ZPBP2: variants seen among roughly 807,000 people sequenced by gnomAD.
ZPBP2 encodes zona pellucida-binding protein 2.
In ZPBP2, 34 loss-of-function variants were observed where a neutral mutation model predicts 37.5. That is an observed-to-expected ratio of 0.91 (90% CI 0.69 to 1.21). The LOEUF is 1.21. Among genes scored for constraint, ZPBP2 ranks in the 50% most tolerant of loss-of-function variants. The probability of loss-of-function intolerance (pLI) is 0.00; values close to 1 mark genes in which losing one functional copy is unlikely to be tolerated. For missense variants in ZPBP2, 397 were observed against 413.5 expected (o/e 0.96, Z 0.35); for synonymous variants, 143 against 138.4 (o/e 1.03, Z -0.23).
intron 2 of ZPBP2, among the ~76,000 whole-genome samples, chr17:39,869,668 G>T (rs2063353047): frequency 6.8e-6 from 1 of 147,126 alleles, no homozygotes; most frequent in East Asian, 2.0e-4. Context: ...GCCTCCCAAA[G>T]TGCTGGGATT....
In ZPBP2 at chr17:39,872,441, A is replaced by G. The variant is rs2063369682; in HGVS notation, c.578A>G (p.Glu193Gly). The G allele has an allele frequency of 1.9e-6, 3 of 1,613,018 alleles. No homozygotes were observed. Among genetic ancestry groups the G allele is most frequent in the Admixed American group, 1.7e-5 (1 of 59,944 alleles). Residue 193 changes from glutamate (E) to glycine (G), a missense_variant, in exon 5 of 8, where the codon GAA becomes GGA. Physicochemically the swap from Glu to Gly is moderately conservative, Grantham distance 98 (BLOSUM62 -2). Transcript: ENST00000348931. ...CCATCATATAAATGCCATTCTGTTG[A>G]AATTCCAGAACATGGCCTCATACAT... ...IEPSYKCHSV[E>G]IPEHGLIHEL... is the part of the protein sequence containing the mutation.
At chr17:39,869,674 G>C (rs1164673553) in intron 2 of ZPBP2, among the ~76,000 whole-genome samples, 1 of 148,366 alleles carries the variant, frequency 6.7e-6, no homozygotes, top group Non-Finnish European at 1.5e-5. Context: ...CAAAGTGCTG[G>C]GATTACAGGC....
rs751410001 is a variant in ZPBP2 at position 39,870,677 on chromosome 17, AT to A, written c.119-13del. ...TTGCTATATAATGTAGTTATACATT[AT>A]TTTATTTCATCACAGACAAAATATA... On this transcript the variant is annotated splice_polypyrimidine_tract_variant and intron_variant, in intron 2 of 7. Transcript: ENST00000348931. 7.4e-7 allele frequency: 1 copy of A among 1,356,760 alleles called. No individual in the cohort carries two copies. The highest frequency in any genetic ancestry group is 9.9e-7 in the Non-Finnish European group (1 of 1,007,458). 84.0% of individuals were successfully genotyped at this position (1,356,760 alleles called of 1,614,324 possible). A position where few individuals can be genotyped will look rare whatever the true frequency, so the allele number is the denominator to read the frequency against.
intron 6 of ZPBP2, 159 bp downstream of exon 6, chr17:39,873,285 G>C (rs1431049188): frequency 5.4e-6 from 1 of 186,592 alleles, no homozygotes; most frequent in Non-Finnish European, 1.0e-5. Flanking sequence ...GGAAGTATTT[G>C]AAAATCAATA....
rs200282806 is a variant in ZPBP2 at position 39,870,861 on chromosome 17, A to G, written c.244+42A>G. 5.9e-5 allele frequency: 83 copies of G among 1,404,632 alleles called. No homozygotes were observed. In the Middle Eastern group the frequency reaches 1.2e-3, roughly 20 times the overall value. 87.0% of individuals were successfully genotyped at this position (1,404,632 alleles called of 1,614,324 possible). The stretch of plus-strand genomic sequence containing the variant: ...TATGTACTTTTTTAATGATGTGAAC[A>G]TATTTTTAGAAAATCACTGTTACTT... On this transcript the variant is annotated intron_variant, in intron 3 of 7. Transcript: ENST00000348931.
At position 39,877,143 on chromosome 17, in the gene ZPBP2, C is replaced by T. The variant is rs2063394256; in HGVS notation, c.*334C>T. 1.8e-5 allele frequency: 3 copies of T among 171,074 alleles called. No homozygotes were observed. Among genetic ancestry groups the T allele is most frequent in the Admixed American group, 1.7e-4 (3 of 17,450 alleles). 10.6% of individuals were successfully genotyped at this position (171,074 alleles called of 1,614,324 possible). A position where few individuals can be genotyped will look rare whatever the true frequency, so the allele number is the denominator to read the frequency against. ...TAATAAAATAAAAATTGTATACTCTCCATATATTTATTTGTTTGGAATCAC... is the reference window on the plus strand; with the variant it reads ...TAATAAAATAAAAATTGTATACTCTTCATATATTTATTTGTTTGGAATCAC... On this transcript the variant is annotated 3_prime_UTR_variant, in exon 8 of 8. Coordinates refer to ENST00000348931, the MANE Select transcript of ZPBP2 (RefSeq NM_199321.3).
At position 39,872,361 on chromosome 17, in the gene ZPBP2, G is replaced by A. The variant is rs751383469; in HGVS notation, c.498G>A (p.Val166=). 1 of 1,613,186 alleles carries A rather than the reference G, an allele frequency of 6.2e-7. No individual in the cohort carries two copies. Among genetic ancestry groups the A allele is most frequent in the East Asian group, 2.2e-5 (1 of 44,776 alleles). Reference sequence around the variant, plus strand: ...GATACAATGATGTATTCTTTAGAGTGCTGAAGAAAATCTTGGATAGTCTAA... The same window carrying A: ...GATACAATGATGTATTCTTTAGAGTACTGAAGAAAATCTTGGATAGTCTAA... ...IGRYNDVFFR[V]LKKILDSLIS... Residue 166 remains valine (V), a synonymous_variant, in exon 5 of 8, where the codon GTG becomes GTA. Transcript: ENST00000348931.
At chr17:39,871,812 A>C (rs2063366064) in intron 4 of ZPBP2, among the ~76,000 whole-genome samples, 187 bp downstream of exon 4, 1 of 152,166 alleles carries the variant, frequency 6.6e-6, no homozygotes, top group Non-Finnish European at 1.5e-5. Context: ...ATCCTAAATA[A>C]TCTTCTTTCA....
intron 4 of ZPBP2, 96 bp downstream of exon 4, chr17:39,871,721 G>C: frequency 9.9e-7 from 1 of 1,009,948 alleles, no homozygotes; most frequent in African/African-American, 1.7e-5. Flanking sequence ...TGTAATAGGT[G>C]ACTGTCACCA....
intron 1 of ZPBP2, 35 bp downstream of exon 1, chr17:39,868,441 C>G (rs778472034): frequency 9.3e-6 from 15 of 1,611,644 alleles, no homozygotes; most frequent in Admixed American, 3.3e-5. Context: ...CAGGCCTCTC[C>G]CTCTGCCCGA....
At position 39,876,994 on chromosome 17, in the gene ZPBP2, C is replaced by A. The variant is rs112071371; in HGVS notation, c.*185C>A. ...TCTAAGAAGGCATTTAATCCAGTAT[C>A]TCTAGTGTACAAAGGAAACTTGAAG... On this transcript the variant is annotated 3_prime_UTR_variant, in exon 8 of 8. Transcript: ENST00000348931. The A allele has an allele frequency of 1.5e-3, 885 of 586,368 alleles. 5 individuals are homozygous for A. The highest frequency in any genetic ancestry group is 0.015 in the African/African-American group (782 of 52,908). The allele number at this position is 586,368 out of a possible 1,614,324, so 36.3% of individuals were successfully genotyped here. A position where few individuals can be genotyped will look rare whatever the true frequency, so the allele number is the denominator to read the frequency against.
At chr17:39,876,251 T>C (rs950440647) in intron 7 of ZPBP2, among the ~76,000 whole-genome samples, 1 of 152,094 alleles carries the variant, frequency 6.6e-6, no homozygotes, top group African/African-American at 2.4e-5. Context: ...GTTATTTTAA[T>C]GTATATTAAC....
chr17:39,871,840 A>G (rs2063366294), intron 4 of ZPBP2, among the ~76,000 whole-genome samples: 1 of 152,152 alleles, frequency 6.6e-6, no homozygotes. Flanking sequence ...ACTTGCCTCT[A>G]TCTAGATATG....
chr17:39,868,225 ACGGACGGG>A lies in ZPBP2; in HGVS notation c.-129_-122del. ...CTGCGCGTCCGCTCCCGCCGTTGCGACGGACGGGTAGGGGAGGCGACCCCGGCGTTCTG... is the reference window on the plus strand; with the variant it reads ...CTGCGCGTCCGCTCCCGCCGTTGCGATAGGGGAGGCGACCCCGGCGTTCTG... On this transcript the variant is annotated 5_prime_UTR_variant, in exon 1 of 8. Coordinates refer to ENST00000348931, the MANE Select transcript of ZPBP2 (RefSeq NM_199321.3). 1 of 1,012,360 alleles carries A rather than the reference ACGGACGGG, an allele frequency of 9.9e-7. No homozygotes were observed. The highest frequency in any genetic ancestry group is 1.4e-6 in the Non-Finnish European group (1 of 704,872). 62.7% of individuals were successfully genotyped at this position (1,012,360 alleles called of 1,614,324 possible). A position where few individuals can be genotyped will look rare whatever the true frequency, so the allele number is the denominator to read the frequency against.
In ZPBP2 at chr17:39,868,585, G is replaced by T; in HGVS notation, c.89G>T (p.Gly30Val). ...CGTTTTACCTTATTCAATAAGAAGG[G>T]CTTCATTTATGGCAAGACAGGACAG... is the stretch of plus-strand genomic sequence containing the variant. ...CPRFTLFNKKGFIYGKTGQPD... is the reference protein window; with the variant it reads ...CPRFTLFNKKVFIYGKTGQPD... The change falls in exon 2 of 8, where the codon GGC becomes GTC. Residue 30 changes from glycine (G) to valine (V), a missense_variant. By Grantham distance (109) the Gly-to-Val change is moderately radical. Transcript: ENST00000348931. 6.2e-7 allele frequency: 1 copy of T among 1,614,096 alleles called. No individual in the cohort carries two copies. Among genetic ancestry groups the T allele is most frequent in the Non-Finnish European group, 8.5e-7 (1 of 1,180,040 alleles).
chr17:39,871,383 TG>T, intron 3 of ZPBP2, 80 bp from the exon 4 acceptor site: 1 of 973,012 alleles, frequency 1.0e-6, no homozygotes, highest in Non-Finnish European at 1.4e-6. Flanking sequence ...TTAAAATTTT[TG>T]TATCTATTTG....
In ZPBP2 at chr17:39,872,447, C is replaced by G; in HGVS notation, c.584C>G (p.Pro195Arg). ...PSYKCHSVEIPEHGLIHELFI... is the reference protein window; with the variant it reads ...PSYKCHSVEIREHGLIHELFI... Reference sequence around the variant, plus strand: ...TATAAATGCCATTCTGTTGAAATTCCAGAACATGGCCTCATACATGAGCTA... The same window carrying G: ...TATAAATGCCATTCTGTTGAAATTCGAGAACATGGCCTCATACATGAGCTA... The change falls in exon 5 of 8, where the codon CCA becomes CGA. Residue 195 changes from proline (P) to arginine (R), a missense_variant. Coordinates refer to ENST00000348931, the MANE Select transcript of ZPBP2 (RefSeq NM_199321.3). 6.2e-7 allele frequency: 1 copy of G among 1,612,500 alleles called. No individual in the cohort carries two copies. The highest frequency in any genetic ancestry group is 8.5e-7 in the Non-Finnish European group (1 of 1,179,510).
At chr17:39,875,094 G>A (rs1402779495) in intron 6 of ZPBP2, among the ~76,000 whole-genome samples, 160 bp from the exon 7 acceptor site, 1 of 152,186 alleles carries the variant, frequency 6.6e-6, no homozygotes, top group African/African-American at 2.4e-5. Flanking sequence ...CAGTTGATAA[G>A]GTCAAAGCTA....
intron 4 of ZPBP2, 59 bp from the exon 5 acceptor site, chr17:39,872,211 A>G (rs1004872843): frequency 1.5e-6 from 2 of 1,327,608 alleles, no homozygotes. Context: ...ATTGTTTGGT[A>G]GAGGAAATTA....
Sources: allele counts gnomAD v4.1 joint callset (sites outside exome capture counted in the v4.1 genomes callset), GRCh38; gene constraint gnomAD v4.1.1; transcripts MANE v1.5; gene names NCBI Gene and HGNC (gene_info 2026-07-23, HGNC 2026-07-21).